The following PTPRK variants were observed in gnomAD, a reference collection of about 807,000 sequenced individuals.
PTPRK encodes the protein receptor-type tyrosine-protein phosphatase kappa.
In PTPRK, 75 loss-of-function variants were observed where a neutral mutation model predicts 178.0. That is an observed-to-expected ratio of 0.42 (90% CI 0.35 to 0.51). The LOEUF is 0.51. PTPRK is among the 20% of genes least tolerant of loss of function. PTPRK has a pLI of 0.02. For missense variants in PTPRK, 1,441 were observed against 1,797.8 expected, an observed-to-expected ratio of 0.80 and a Z score of 3.59; for synonymous variants, 637 against 620.6, an observed-to-expected ratio of 1.03 and a Z score of -0.39.
intron 1 of PTPRK, among the ~76,000 whole-genome samples, chr6:128,482,449 G>A (rs565458490): frequency 6.6e-6 from 1 of 152,082 alleles, no homozygotes; most frequent in African/African-American, 2.4e-5. Context: ...AAGGGGTGGA[G>A]AAAGAAAAGA....
intron 18 of PTPRK, 42 bp downstream of exon 18, chr6:127,995,420 T>C (rs533918229): frequency 2.0e-6 from 3 of 1,488,520 alleles, no homozygotes; most frequent in Non-Finnish European, 2.8e-6. Flanking sequence ...TTCATATATA[T>C]AAGCCAATAA....
intron 15 of PTPRK, among the ~76,000 whole-genome samples, chr6:128,000,713 T>C (rs1368776655): frequency 1.3e-5 from 2 of 152,054 alleles, no homozygotes; most frequent in Non-Finnish European, 2.9e-5. Context: ...AGCAATTGAT[T>C]TGGGCACTGC....
chr6:128,295,377 T>C (rs1824145033), intron 3 of PTPRK, among the ~76,000 whole-genome samples: 1 of 152,072 alleles, frequency 6.6e-6, no homozygotes, highest in Non-Finnish European at 1.5e-5. Flanking sequence ...GGATTGCAAG[T>C]ATTTCTCAAG....
intron 1 of PTPRK, among the ~76,000 whole-genome samples, chr6:128,508,867 A>C (rs992148957): frequency 1.3e-5 from 2 of 151,950 alleles, no homozygotes; most frequent in African/African-American, 4.8e-5. Context: ...GAATCGCTTG[A>C]ACCCAGGAGG....
Position 128,143,184 on chromosome 6 carries a change from A to T in PTPRK, c.1162+41248T>A, listed in dbSNP as rs143295702. ...GGCAACAGCAAAAGATTGACATTGAACTACAAGATAGCAGACACTAATATA... is the reference window on the plus strand; with the variant it reads ...GGCAACAGCAAAAGATTGACATTGATCTACAAGATAGCAGACACTAATATA... On this transcript the variant is annotated intron_variant, in intron 7 of 29. Coordinates refer to ENST00000368226, the MANE Select transcript of PTPRK (RefSeq NM_002844.4). Among the ~76,000 whole-genome samples the T allele has an allele frequency of 8.9e-4, 135 of 152,184 alleles. 1 individual carries two copies. Among genetic ancestry groups the T allele is most frequent in the African/African-American group, 2.9e-3 (121 of 41,542 alleles).
chr6:128,122,336 T>C lies in PTPRK; in HGVS notation c.1163-32344A>G, dbSNP rs545785207. On this transcript the variant is annotated intron_variant, in intron 7 of 29. Transcript: ENST00000368226. Reference sequence around the variant, plus strand: ...TAAATCATTTTCAGAGAGAAACATTTAATAGAGAAGATAAGAGTATATTAG... The same window carrying C: ...TAAATCATTTTCAGAGAGAAACATTCAATAGAGAAGATAAGAGTATATTAG... 1.5e-4 allele frequency among the ~76,000 whole-genome samples: 23 copies of C among 152,124 alleles called. No homozygotes were observed. In the South Asian group the frequency reaches 4.6e-3, roughly 30 times the overall value.
chr6:128,445,328 CCTTT>C (rs1846861561), intron 1 of PTPRK, among the ~76,000 whole-genome samples: 1 of 130,258 alleles, frequency 7.7e-6, no homozygotes, highest in African/African-American at 3.1e-5. Flanking sequence ...TTATTCTCAT[CCTTT>C]CTTTTATATA....
At chr6:128,289,299 C>T (rs1199946412) in intron 3 of PTPRK, among the ~76,000 whole-genome samples, 1 of 151,990 alleles carries the variant, frequency 6.6e-6, no homozygotes, top group Non-Finnish European at 1.5e-5. Context: ...CCAGAAATGT[C>T]CAATTATATT....
chr6:128,278,573 A>G (rs1821160649), intron 3 of PTPRK, among the ~76,000 whole-genome samples: 1 of 152,134 alleles, frequency 6.6e-6, no homozygotes, highest in African/African-American at 2.4e-5. Flanking sequence ...CTTTATGACT[A>G]GTCTAACCTC....
intron 7 of PTPRK, among the ~76,000 whole-genome samples, chr6:128,133,139 A>C (rs559004346): frequency 6.6e-6 from 1 of 152,324 alleles, no homozygotes; most frequent in African/African-American, 2.4e-5. Flanking sequence ...GTATGTTGAA[A>C]AACAAACAGA....
chr6:128,125,075 G>A (rs1793120180), intron 7 of PTPRK, among the ~76,000 whole-genome samples: 1 of 152,178 alleles, frequency 6.6e-6, no homozygotes, highest in African/African-American at 2.4e-5. Flanking sequence ...TCTACAAATA[G>A]ACACATTCTA....
intron 1 of PTPRK, among the ~76,000 whole-genome samples, chr6:128,448,610 C>G (rs1159394189): frequency 2.0e-5 from 3 of 152,172 alleles, no homozygotes; most frequent in Non-Finnish European, 4.4e-5. Flanking sequence ...TAATAAGATG[C>G]TAGCTCCTTA....
intron 2 of PTPRK, among the ~76,000 whole-genome samples, chr6:128,354,437 G>A (rs530428075): frequency 4.0e-5 from 6 of 151,514 alleles, no homozygotes; most frequent in Admixed American, 3.3e-4. Context: ...GGGTTTCACC[G>A]TGTTAGCCAG....
chr6:128,078,889 C>G lies in PTPRK; in HGVS notation c.1807G>C (p.Asp603His), dbSNP rs1203138385. Residue 603 changes from aspartate to histidine, a missense_variant, in exon 11 of 30, where the codon GAT (aspartate) becomes CAT (histidine). By Grantham distance (81) the Asp-to-His change is moderately conservative. Coordinates refer to ENST00000368226, the MANE Select transcript of PTPRK (RefSeq NM_002844.4). ...GTGGCAGTTTCATTGAGAGAGGCAT[C>G]AACTCCTTCATAGTCAGGTAAAGTT... ...APTLPDYEGV[D>H]ASLNETATTI... The G allele has an allele frequency of 1.2e-6, 2 of 1,611,894 alleles. No homozygotes were observed. Among genetic ancestry groups the G allele is most frequent in the African/African-American group, 1.3e-5 (1 of 74,890 alleles).
chr6:128,072,484 G>A (rs921290957), intron 11 of PTPRK, among the ~76,000 whole-genome samples: 2 of 151,894 alleles, frequency 1.3e-5, no homozygotes, highest in African/African-American at 4.8e-5. Context: ...ATAATAAAGT[G>A]TTTAATATCT....
chr6:128,140,646 A>G (rs560337602), intron 7 of PTPRK, among the ~76,000 whole-genome samples: 31 of 152,100 alleles, frequency 2.0e-4, no homozygotes, highest in Non-Finnish European at 3.7e-4. Flanking sequence ...TATCATCATC[A>G]TTGTCGTCAT....
At chr6:128,436,400 T>C (rs139963134) in intron 1 of PTPRK, among the ~76,000 whole-genome samples, 3 of 152,152 alleles carry the variant, frequency 2.0e-5, no homozygotes, top group African/African-American at 4.8e-5. Context: ...CAGAGACACA[T>C]ATAGTTTCTA....
intron 13 of PTPRK, among the ~76,000 whole-genome samples, chr6:128,024,818 AAAC>A (rs1774048126): frequency 2.0e-5 from 3 of 152,092 alleles, no homozygotes; most frequent in East Asian, 1.9e-4. Flanking sequence ...TCAAAAACAA[AAAC>A]AACAACAACA....
chr6:127,995,008 C>CATA (rs1776981869), intron 18 of PTPRK, among the ~76,000 whole-genome samples: 1 of 151,756 alleles, frequency 6.6e-6, no homozygotes, highest in African/African-American at 2.4e-5. Context: ...AACTCGAGTA[C>CATA]ATAATAAACT....
Sources: gnomAD v4.1 joint callset for allele counts (sites outside exome capture counted in the v4.1 genomes callset) on GRCh38, gnomAD v4.1.1 for gene constraint, MANE v1.5 for transcripts, NCBI Gene and HGNC (gene_info 2026-07-23, HGNC 2026-07-21) for gene names.